The following PABPC1L variants were observed in gnomAD, a reference collection of about 807,000 sequenced individuals.
The protein encoded by PABPC1L is poly(A) binding protein cytoplasmic 1 like.
Under a neutral mutation model 66.6 loss-of-function variants are expected in PABPC1L, and 31 were observed. The ratio of observed to expected loss-of-function variants is 0.47; its 90% CI spans 0.35 to 0.63. The LOEUF is 0.63. Among genes scored for constraint, PABPC1L ranks in the 20% least tolerant of loss-of-function variants. The probability of loss-of-function intolerance (pLI) is 0.00; values close to 1 mark genes in which losing one functional copy is unlikely to be tolerated. For missense variants in PABPC1L, 722 were observed against 848.8 expected (o/e 0.85, Z 1.86); for synonymous variants, 348 against 335.1 (o/e 1.04, Z -0.42).
intron 8 of PABPC1L, 83 bp downstream of exon 8, chr20:44,930,809 A>G (rs1287140156): frequency 2.6e-6 from 4 of 1,514,656 alleles, no homozygotes; most frequent in Middle Eastern, 1.8e-4. Flanking sequence ...TTCTAGGGAA[A>G]TGGAGGTTTC....
At chr20:44,919,797 G>A (rs2066760885) in intron 5 of PABPC1L, among the ~76,000 whole-genome samples, 1 of 152,234 alleles carries the variant, frequency 6.6e-6, no homozygotes, top group South Asian at 2.1e-4. Flanking sequence ...TGGACAAAAC[G>A]GCAAGATGCC....
At position 44,912,779 on chromosome 20, in the gene PABPC1L, A is replaced by G; in HGVS notation, c.313A>G (p.Asn105Asp). 6.2e-7 allele frequency: 1 copy of G among 1,614,140 alleles called. No individual in the cohort carries two copies. The highest frequency in any genetic ancestry group is 1.7e-5 in the Admixed American group (1 of 60,018). The change falls in exon 2 of 15, where the codon AAC becomes GAC. Residue 105 changes from asparagine to aspartate, a missense_variant. By Grantham distance (23) the Asn-to-Asp change is conservative (BLOSUM62 1). Around this residue, in one of 3 missense-constraint regions of PABPC1L, gnomAD observed 284 missense variants for 294.8 expected, o/e 0.96. Coordinates refer to ENST00000217073, the MANE Select transcript of PABPC1L (RefSeq NM_001372179.1). ...AGGTGTGGGCAACATCTTCATCAAG[A>G]ACCTGGAGGACTCCATTGACAACAA... is the stretch of plus-strand genomic sequence containing the variant. Reference protein sequence around the residue: ...KSGVGNIFIKNLEDSIDNKAL... With the variant: ...KSGVGNIFIKDLEDSIDNKAL...
intron 5 of PABPC1L, 48 bp downstream of exon 5, chr20:44,919,325 G>A: frequency 6.3e-7 from 1 of 1,591,944 alleles, no homozygotes; most frequent in Non-Finnish European, 8.6e-7. Flanking sequence ...GACCGAGCTG[G>A]GACTAAGAAG....
chr20:44,921,226 C>T lies in PABPC1L; in HGVS notation c.739-368C>T, dbSNP rs191334155. On this transcript the variant is annotated intron_variant, in intron 5 of 14. Coordinates refer to ENST00000217073, the MANE Select transcript of PABPC1L (RefSeq NM_001372179.1). ...GTGCAATGGCGTGATCTCAGCTCACCGCAACCTCCACCTCCCAGGTTCAAC... is the reference window on the plus strand; with the variant it reads ...GTGCAATGGCGTGATCTCAGCTCACTGCAACCTCCACCTCCCAGGTTCAAC... Among the ~76,000 whole-genome samples the T allele has an allele frequency of 2.1e-3, 315 of 149,766 alleles. 2 individuals carry two copies. Among genetic ancestry groups the T allele is most frequent in the African/African-American group, 7.3e-3 (298 of 40,610 alleles).
intron 7 of PABPC1L, 117 bp downstream of exon 7, chr20:44,924,373 G>GAT: frequency 1.3e-6 from 1 of 758,476 alleles, no homozygotes; most frequent in Non-Finnish European, 2.2e-6. Context: ...GTTGGTGCCG[G>GAT]CTACCCCTTC....
At position 44,930,701 on chromosome 20, in the gene PABPC1L, G is replaced by C; in HGVS notation, c.1214G>C (p.Ser405Thr). Reference sequence around the variant, plus strand: ...CTGGGCTCCTTTCAGCAGCCCTCCAGCTACTTCCTGCCTGCCATGCCCCAG... The same window carrying C: ...CTGGGCTCCTTTCAGCAGCCCTCCACCTACTTCCTGCCTGCCATGCCCCAG... ...PLLGSFQQPS[S>T]YFLPAMPQPP... The change falls in exon 8 of 15, where the codon AGC (serine) becomes ACC (threonine). Residue 405 changes from serine (S) to threonine (T), a missense_variant. This residue lies in a region of PABPC1L where 301 missense variants were observed against 337.2 expected (regional missense o/e 0.89). Transcript: ENST00000217073. The C allele has an allele frequency of 6.2e-7, 1 of 1,613,708 alleles. No homozygotes were observed. Among genetic ancestry groups the C allele is most frequent in the Admixed American group, 1.7e-5 (1 of 60,016 alleles).
In PABPC1L at chr20:44,933,065, C is replaced by G; in HGVS notation, c.1339C>G (p.Pro447Ala). ...GGTGTCTGCACCACAAGCTGCCTACCCTCCAGGTGCCTCAATGGTCCGGCC... is the reference window on the plus strand; with the variant it reads ...GGTGTCTGCACCACAAGCTGCCTACGCTCCAGGTGCCTCAATGGTCCGGCC... ...SQPPRPSSAY[P>A]PGASMVRPPV... Residue 447 changes from proline to alanine, a missense_variant, in exon 10 of 15, where the codon CCT becomes GCT. Transcript: ENST00000217073. 22 of 1,583,278 alleles carry G rather than the reference C, an allele frequency of 1.4e-5. No individual in the cohort carries two copies. The highest frequency in any genetic ancestry group is 1.9e-5 in the Non-Finnish European group (22 of 1,165,014).
At chr20:44,921,816 G>C (rs952400673) in intron 6 of PABPC1L, 85 bp downstream of exon 6, 2 of 1,581,620 alleles carry the variant, frequency 1.3e-6, no homozygotes, top group African/African-American at 2.7e-5. Flanking sequence ...GTTTCTTCTA[G>C]TGATCCTACT....
chr20:44,928,333 A>G (rs1384683122), intron 7 of PABPC1L, among the ~76,000 whole-genome samples: 1 of 152,188 alleles, frequency 6.6e-6, no homozygotes, highest in Non-Finnish European at 1.5e-5. Flanking sequence ...TTGGCCTCCC[A>G]AAGTGCTGGG....
At position 44,938,187 on chromosome 20, in the gene PABPC1L, C is replaced by A. The variant is rs2145586432; in HGVS notation, c.1787C>A (p.Ala596Asp). ...LMLESPESLH[A>D]KIDEAVAVLQ... is the part of the protein sequence containing the mutation. ...CTGGAGTCTCCAGAATCCCTCCATG[C>A]CAAGGTAAGCAGGAGCCTGGGCAGC... The change falls in exon 13 of 15, where the codon GCC (alanine) becomes GAC (aspartate). Residue 596 changes from alanine to aspartate, a missense_variant. Physicochemically the swap from Ala to Asp is moderately radical, Grantham distance 126 (BLOSUM62 -2). This residue lies in a region of PABPC1L where 301 missense variants were observed against 337.2 expected (regional missense o/e 0.89). Transcript: ENST00000217073. 1 of 1,613,656 alleles carries A rather than the reference C, an allele frequency of 6.2e-7. No homozygotes were observed. Among genetic ancestry groups the A allele is most frequent in the Non-Finnish European group, 8.5e-7 (1 of 1,179,812 alleles).
chr20:44,930,643 C>T lies in PABPC1L; in HGVS notation c.1156C>T (p.Leu386Phe). Residue 386 changes from leucine to phenylalanine, a missense_variant, in exon 8 of 15, where the codon CTC becomes TTC. This residue lies in a region of PABPC1L where 301 missense variants were observed against 337.2 expected (regional missense o/e 0.89). Coordinates refer to ENST00000217073, the MANE Select transcript of PABPC1L (RefSeq NM_001372179.1). The part of the protein sequence containing the change: ...AILTNQYMQR[L>F]STMRTLSNPL... ...CTTGACCAACCAGTACATGCAGCGCCTCTCCACCATGCGGACCCTGAGCAA... is the reference window on the plus strand; with the variant it reads ...CTTGACCAACCAGTACATGCAGCGCTTCTCCACCATGCGGACCCTGAGCAA... The T allele has an allele frequency of 6.2e-7, 1 of 1,614,250 alleles. No homozygotes were observed.
intron 3 of PABPC1L, among the ~76,000 whole-genome samples, chr20:44,917,854 C>T (rs2066747728): frequency 6.6e-6 from 1 of 152,164 alleles, no homozygotes; most frequent in East Asian, 1.9e-4. Context: ...GAATGCTCTT[C>T]GTTAGCTCCA....
rs144518236 is a variant in PABPC1L at position 44,936,740 on chromosome 20, T to C, written c.1660+10T>C. 6.2e-7 allele frequency: 1 copy of C among 1,600,348 alleles called. No individual in the cohort carries two copies. Among genetic ancestry groups the C allele is most frequent in the Non-Finnish European group, 8.5e-7 (1 of 1,174,552 alleles). ...CAAAAGCAGATGATTGGTGAGTGGC[T>C]GGTTCTCCTACTGTGGAGCAAGAAG... On this transcript the variant is annotated intron_variant, in intron 12 of 14. Coordinates refer to ENST00000217073, the MANE Select transcript of PABPC1L (RefSeq NM_001372179.1).
In PABPC1L at chr20:44,912,707, C is replaced by T; in HGVS notation, c.241C>T (p.Pro81Ser). The T allele has an allele frequency of 6.2e-7, 1 of 1,614,124 alleles. No homozygotes were observed. Among genetic ancestry groups the T allele is most frequent in the Non-Finnish European group, 8.5e-7 (1 of 1,180,000 alleles). Reference protein sequence around the residue: ...TMNFEMLKGQPIRIMWSQRDP... With the variant: ...TMNFEMLKGQSIRIMWSQRDP... ...GAACTTTGAGATGCTCAAAGGCCAG[C>T]CTATTCGCATCATGTGGTCCCAGCG... The change falls in exon 2 of 15, where the codon CCT (proline) becomes TCT (serine). Residue 81 changes from proline (P) to serine (S), a missense_variant. Pro to Ser is a moderately conservative substitution (Grantham distance 74, BLOSUM62 -1). Around this residue, in one of 3 missense-constraint regions of PABPC1L, gnomAD observed 284 missense variants for 294.8 expected, o/e 0.96. Coordinates refer to ENST00000217073, the MANE Select transcript of PABPC1L (RefSeq NM_001372179.1).
intron 5 of PABPC1L, 27 bp downstream of exon 5, chr20:44,919,304 T>G: frequency 6.2e-7 from 1 of 1,611,022 alleles, no homozygotes; most frequent in Non-Finnish European, 8.5e-7. Context: ...GGCTCTGTTC[T>G]GCAGCAGGGG....
In PABPC1L at chr20:44,936,656, A is replaced by G. The variant is rs199630056; in HGVS notation, c.1586A>G (p.His529Arg). Residue 529 changes from histidine (H) to arginine (R), a missense_variant, in exon 12 of 15, where the codon CAC becomes CGC. By Grantham distance (29) the His-to-Arg change is conservative. Transcript: ENST00000217073. ...STYRVQEPAVHIPGQEPLTAS... is the reference protein window; with the variant it reads ...STYRVQEPAVRIPGQEPLTAS... ...ATGCAGGTCCAGGAGCCGGCTGTGC[A>G]CATCCCAGGACAGGAGCCCCTGACC... is the stretch of plus-strand genomic sequence containing the variant. The G allele has an allele frequency of 9.3e-5, 149 of 1,602,476 alleles. No homozygotes were observed. The highest frequency in any genetic ancestry group is 3.0e-5 in the Non-Finnish European group (35 of 1,175,676).
intron 2 of PABPC1L, 107 bp downstream of exon 2, chr20:44,912,960 T>C: frequency 9.1e-6 from 10 of 1,093,578 alleles, no homozygotes; most frequent in Non-Finnish European, 1.3e-5. Context: ...GTCCTTTCAG[T>C]CAAGTTTCAG....
chr20:44,933,017 C>T, intron 9 of PABPC1L, 40 bp from the exon 10 acceptor site: 1 of 1,400,504 alleles, frequency 7.1e-7, no homozygotes, highest in Non-Finnish European at 9.9e-7. Flanking sequence ...TCCCACCACT[C>T]CATCCAACTT....
Position 44,910,073 on chromosome 20 carries a change from G to T in PABPC1L, c.-71G>T, listed in dbSNP as rs2066691680. 3.7e-5 allele frequency: 51 copies of T among 1,365,344 alleles called. No homozygotes were observed. The highest frequency in any genetic ancestry group is 5.0e-5 in the Non-Finnish European group (51 of 1,012,990). The allele number at this position is 1,365,344 out of a possible 1,614,324, so 84.6% of individuals were successfully genotyped here. A position where few individuals can be genotyped will look rare whatever the true frequency, so the allele number is the denominator to read the frequency against. ...CCCGCGCCCAGGAAGGAGGGCTTCC[G>T]CCCGGGTGAGCGCGGGGCTGCTGGG... On this transcript the variant is annotated 5_prime_UTR_variant, in exon 1 of 15. Transcript: ENST00000217073.
Sources: gnomAD v4.1 joint callset for allele counts (sites outside exome capture counted in the v4.1 genomes callset) on GRCh38, gnomAD v4.1.1 for gene constraint, gnomAD v4.1.1 regional missense constraint, MANE v1.5 for transcripts, NCBI Gene and HGNC (gene_info 2026-07-23, HGNC 2026-07-21) for gene names.